OXR1: variants seen among roughly 807,000 people sequenced by gnomAD.
The protein encoded by OXR1 is oxidation resistance 1.
In OXR1, 41 loss-of-function variants were observed where a neutral mutation model predicts 104.6. That is an observed-to-expected ratio of 0.39 (90% CI 0.31 to 0.51). The LOEUF (loss-of-function observed/expected upper bound fraction) is 0.51. Ranked by LOEUF, OXR1 falls within the 20% of genes least tolerant of loss-of-function variation. The probability of loss-of-function intolerance (pLI) is 0.77; values close to 1 mark genes in which losing one functional copy is unlikely to be tolerated. For missense variants in OXR1, 955 were observed against 1,031.9 expected (o/e 0.93, Z 1.02); for synonymous variants, 348 against 348.4 (o/e 1.00, Z 0.01).
chr8:106,698,138 T>C (rs1830248656), intron 7 of OXR1: 1 of 625,764 alleles, frequency 1.6e-6, no homozygotes, highest in Admixed American at 2.9e-5. Flanking sequence ...AGATATCCTC[T>C]TCATTTTCAA....
At chr8:106,278,322 T>C (rs1359307736) in intron 1 of OXR1, among the ~76,000 whole-genome samples, 1 of 152,194 alleles carries the variant, frequency 6.6e-6, no homozygotes, top group African/African-American at 2.4e-5. Context: ...GGAGCTGTCA[T>C]CATGTAAATT....
intron 3 of OXR1, among the ~76,000 whole-genome samples, chr8:106,624,097 G>A (rs1821950226): frequency 6.6e-6 from 1 of 152,070 alleles, no homozygotes; most frequent in Non-Finnish European, 1.5e-5. Context: ...TTGTTTCTCT[G>A]GAAAGTCAGG....
intron 3 of OXR1, among the ~76,000 whole-genome samples, chr8:106,626,522 C>A (rs1822174453): frequency 1.3e-5 from 2 of 149,300 alleles, no homozygotes. Context: ...TTTATTAACA[C>A]CTTCTCTGTC....
intron 2 of OXR1, among the ~76,000 whole-genome samples, chr8:106,406,168 T>A (rs1490274472): frequency 6.6e-6 from 1 of 152,144 alleles, no homozygotes; most frequent in Admixed American, 6.6e-5. Context: ...GCTTTTGCAT[T>A]TGTATGAGTA....
At chr8:106,660,026 C>A (rs984009201) in intron 3 of OXR1, among the ~76,000 whole-genome samples, 5 of 152,204 alleles carry the variant, frequency 3.3e-5, no homozygotes, top group Admixed American at 6.5e-5. Context: ...TGGGCAGGTA[C>A]GTCCTAGCAT....
intron 3 of OXR1, chr8:106,581,132 G>T: frequency 1.6e-6 from 2 of 1,262,546 alleles, no homozygotes; most frequent in Non-Finnish European, 2.0e-6. Flanking sequence ...TAAAGATTTA[G>T]AATTTTGGAT....
intron 3 of OXR1, among the ~76,000 whole-genome samples, chr8:106,654,974 G>A (rs1055238757): frequency 6.6e-6 from 1 of 152,112 alleles, no homozygotes; most frequent in African/African-American, 2.4e-5. Context: ...GTTATTTGGT[G>A]GTAAGAAGGA....
At chr8:106,336,288 C>G (rs987517433) in intron 1 of OXR1, among the ~76,000 whole-genome samples, 17 of 152,228 alleles carry the variant, frequency 1.1e-4, no homozygotes, top group African/African-American at 4.1e-4. Context: ...CCCAGTGGAT[C>G]CCCAAGGACA....
intron 2 of OXR1, among the ~76,000 whole-genome samples, chr8:106,512,763 G>A (rs534221264): frequency 6.6e-6 from 1 of 152,028 alleles, no homozygotes; most frequent in African/African-American, 2.4e-5. Flanking sequence ...GGAGATAGTA[G>A]GAAAGAGAAA....
At chr8:106,679,949 T>G (rs999142029) in intron 4 of OXR1, among the ~76,000 whole-genome samples, 6 of 152,218 alleles carry the variant, frequency 3.9e-5, no homozygotes, top group Non-Finnish European at 8.8e-5. Context: ...CACTTTTAAC[T>G]GAGCTTAATT....
chr8:106,341,080 G>T (rs1815226748), intron 1 of OXR1, among the ~76,000 whole-genome samples: 1 of 152,010 alleles, frequency 6.6e-6, no homozygotes, highest in African/African-American at 2.4e-5. Flanking sequence ...GCTACTAAAA[G>T]TTTCGTTTTA....
intron 2 of OXR1, among the ~76,000 whole-genome samples, chr8:106,371,249 C>A (rs1186176271): frequency 6.6e-6 from 1 of 151,782 alleles, no homozygotes; most frequent in Non-Finnish European, 1.5e-5. Context: ...GTAGTGATAT[C>A]CCTTTATCTT....
At chr8:106,310,406 G>A (rs1813650230) in intron 1 of OXR1, among the ~76,000 whole-genome samples, 1 of 152,074 alleles carries the variant, frequency 6.6e-6, no homozygotes, top group African/African-American at 2.4e-5. Flanking sequence ...CCAATCTGGG[G>A]TGGCTGCTCT....
At chr8:106,381,402 G>A (rs16874478) in intron 2 of OXR1, among the ~76,000 whole-genome samples, 3,362 of 152,226 alleles carry the variant, frequency 0.022, 123 homozygotes, top group African/African-American at 0.077. Flanking sequence ...ATCTTTGAAA[G>A]ATTTGAGCAT....
chr8:106,653,261 T>A (rs2131027881), intron 3 of OXR1, among the ~76,000 whole-genome samples: 1 of 151,780 alleles, frequency 6.6e-6, no homozygotes, highest in South Asian at 2.1e-4. Context: ...CAATTCATTG[T>A]CAAAGGCCAG....
chr8:106,666,936 T>G (rs1299292090), intron 3 of OXR1, among the ~76,000 whole-genome samples: 1 of 152,200 alleles, frequency 6.6e-6, no homozygotes, highest in Non-Finnish European at 1.5e-5. Context: ...ACTAGGCACA[T>G]GTAGCTATTT....
At chr8:106,279,563 C>G (rs1202731063) in intron 1 of OXR1, among the ~76,000 whole-genome samples, 1 of 152,134 alleles carries the variant, frequency 6.6e-6, no homozygotes, top group Non-Finnish European at 1.5e-5. Context: ...CCATCAACTG[C>G]CTCTTCTGAC....
chr8:106,531,794 A>C (rs533485530), intron 3 of OXR1, among the ~76,000 whole-genome samples: 2 of 152,300 alleles, frequency 1.3e-5, no homozygotes, highest in African/African-American at 4.8e-5. Context: ...CAAAGTTTTT[A>C]CTTCCTGCTT....
At chr8:106,739,415 TCA>T in intron 12 of OXR1, 41 bp from the exon 13 acceptor site, 1 of 1,560,340 alleles carries the variant, frequency 6.4e-7, no homozygotes, top group Non-Finnish European at 8.8e-7. Flanking sequence ...TGAAAGCATG[TCA>T]CAAGTTTACA....
Sources: gnomAD v4.1 joint callset for allele counts (sites outside exome capture counted in the v4.1 genomes callset) on GRCh38, gnomAD v4.1.1 for gene constraint, MANE v1.5 for transcripts, NCBI Gene and HGNC (gene_info 2026-07-23, HGNC 2026-07-21) for gene names.